SEMA6D: variants seen among roughly 807,000 people sequenced by gnomAD.
The protein encoded by SEMA6D is semaphorin-6D.
Under a neutral mutation model 106.6 loss-of-function variants are expected in SEMA6D, and 35 were observed. That is an observed-to-expected ratio of 0.33 (90% CI 0.25 to 0.44). SEMA6D has a LOEUF of 0.44. SEMA6D is among the 20% of genes least tolerant of loss of function. SEMA6D has a pLI of 1.00. For missense variants in SEMA6D, 1,185 were observed against 1,345.9 expected, an observed-to-expected ratio of 0.88 and a Z score of 1.87; for synonymous variants, 499 against 487.7, an observed-to-expected ratio of 1.02 and a Z score of -0.31.
At chr15:47,728,533 T>C (rs2079910434) in intron 1 of SEMA6D, among the ~76,000 whole-genome samples, 1 of 152,208 alleles carries the variant, frequency 6.6e-6, no homozygotes, top group Non-Finnish European at 1.5e-5. Flanking sequence ...TAGTTTTACC[T>C]CTCATTTTAT....
chr15:47,664,180 T>C (rs575544716), intron 4 of SEMA6D, among the ~76,000 whole-genome samples: 1 of 152,302 alleles, frequency 6.6e-6, no homozygotes, highest in South Asian at 2.1e-4. Flanking sequence ...TGCTCAACTA[T>C]CATACATTTA....
chr15:47,675,270 G>T (rs1228705225), intron 4 of SEMA6D, among the ~76,000 whole-genome samples: 1 of 152,108 alleles, frequency 6.6e-6, no homozygotes. Flanking sequence ...TAATCCCTAG[G>T]ACCTCAGAAT....
At chr15:47,542,062 C>T (rs974542093) in intron 3 of SEMA6D, among the ~76,000 whole-genome samples, 1 of 152,158 alleles carries the variant, frequency 6.6e-6, no homozygotes, top group African/African-American at 2.4e-5. Context: ...AAGACATTGA[C>T]AGTCAGTGAA....
rs144932773 is a variant in SEMA6D, at chr15:47,434,175, T to G, written c.-159+21703T>G. On this transcript the variant is annotated intron_variant, in intron 2 of 19. Transcript: ENST00000558014. ...AGTGAGAAACAGTGTGCAGTAGCAT[T>G]GGACAGAGTGAATCGATTTGGAGGC... Among the ~76,000 whole-genome samples, 451 of 152,162 alleles carry G rather than the reference T, an allele frequency of 3.0e-3. 1 individual carries two copies. The highest frequency in any genetic ancestry group is 0.01 in the African/African-American group (433 of 41,548).
intron 3 of SEMA6D, among the ~76,000 whole-genome samples, chr15:47,476,824 C>T (rs567099127): frequency 2.6e-4 from 40 of 152,280 alleles, no homozygotes; most frequent in African/African-American, 9.6e-4. Context: ...TCTTAGCACC[C>T]CTGTACTTCC....
chr15:47,331,324 A>G (rs925840330), intron 1 of SEMA6D, among the ~76,000 whole-genome samples: 5 of 152,218 alleles, frequency 3.3e-5, no homozygotes, highest in Non-Finnish European at 5.9e-5. Context: ...AATAATAGAT[A>G]TATATGCAAA....
intron 4 of SEMA6D, among the ~76,000 whole-genome samples, chr15:47,653,045 G>A (rs761834968): frequency 2.0e-5 from 3 of 152,174 alleles, no homozygotes; most frequent in Non-Finnish European, 4.4e-5. Flanking sequence ...CTCTCCATGC[G>A]TACTTATCAC....
chr15:47,241,959 A>C (rs1292127728), intron 1 of SEMA6D, among the ~76,000 whole-genome samples: 1 of 152,094 alleles, frequency 6.6e-6, no homozygotes, highest in Non-Finnish European at 1.5e-5. Context: ...AATCTGTACA[A>C]GCTTTGTGTA....
At chr15:47,715,974 G>A (rs574493650), upstream of SEMA6D, among the ~76,000 whole-genome samples, 2 of 152,238 alleles carry the variant, frequency 1.3e-5, no homozygotes, top group Non-Finnish European at 2.9e-5. Context: ...CTGGACGCCA[G>A]GAAACAGGCA....
intron 3 of SEMA6D, among the ~76,000 whole-genome samples, chr15:47,556,755 A>G (rs549508248): frequency 6.6e-6 from 1 of 152,256 alleles, no homozygotes; most frequent in East Asian, 1.9e-4. Context: ...GGGAACCATA[A>G]CATGGCTGGG....
chr15:47,755,717 T>C (rs1001238736), intron 1 of SEMA6D, among the ~76,000 whole-genome samples: 2 of 152,050 alleles, frequency 1.3e-5, no homozygotes, highest in Non-Finnish European at 2.9e-5. Context: ...CTCTTCCTTC[T>C]TGGTGGGACC....
At chr15:47,322,427 C>A (rs1246697540) in intron 1 of SEMA6D, among the ~76,000 whole-genome samples, 1 of 151,734 alleles carries the variant, frequency 6.6e-6, no homozygotes, top group Non-Finnish European at 1.5e-5. Context: ...TTAATGAGTT[C>A]TTGCCAGATA....
At chr15:47,471,529 C>T (rs8034783) in intron 3 of SEMA6D, among the ~76,000 whole-genome samples, 15,650 of 152,152 alleles carry the variant, frequency 0.1, 900 homozygotes, top group African/African-American at 0.14. Flanking sequence ...CACAATCTGT[C>T]GTAAAGACTG....
intron 1 of SEMA6D, among the ~76,000 whole-genome samples, chr15:47,340,675 C>A (rs1291840041): frequency 1.3e-5 from 2 of 152,134 alleles, no homozygotes; most frequent in African/African-American, 4.8e-5. Context: ...ATCATGCCTA[C>A]GTGAGATTGG....
chr15:47,426,241 G>A (rs763874715), intron 2 of SEMA6D, among the ~76,000 whole-genome samples: 2 of 152,060 alleles, frequency 1.3e-5, no homozygotes, highest in Non-Finnish European at 2.9e-5. Flanking sequence ...CTAGGTTCAA[G>A]CGATACTCTT....
intron 2 of SEMA6D, among the ~76,000 whole-genome samples, chr15:47,453,833 G>A (rs530418930): frequency 5.2e-4 from 79 of 151,964 alleles, no homozygotes; most frequent in Non-Finnish European, 5.2e-4. Flanking sequence ...TGCAAATGAA[G>A]CTACAAGATA....
chr15:47,769,515 C>T (rs188801787), intron 18 of SEMA6D, among the ~76,000 whole-genome samples: 2 of 151,950 alleles, frequency 1.3e-5, no homozygotes, highest in East Asian at 1.9e-4. Context: ...TTTTCTTTCT[C>T]GGTCTTTCAC....
At chr15:47,404,981 C>G (rs1197204498) in intron 1 of SEMA6D, among the ~76,000 whole-genome samples, 1 of 152,082 alleles carries the variant, frequency 6.6e-6, no homozygotes. Flanking sequence ...AAGTCTTCAC[C>G]TCACCGCCGG....
At chr15:47,510,076 A>G (rs2044177509) in intron 3 of SEMA6D, among the ~76,000 whole-genome samples, 1 of 152,168 alleles carries the variant, frequency 6.6e-6, no homozygotes, top group Admixed American at 6.5e-5. Context: ...CTGTAGTCCA[A>G]GAGTCTCCAA....
Sources: allele counts gnomAD v4.1 joint callset (sites outside exome capture counted in the v4.1 genomes callset), GRCh38; gene constraint gnomAD v4.1.1; transcripts MANE v1.5; gene names NCBI Gene and HGNC (gene_info 2026-07-23, HGNC 2026-07-21).